Variants in ZMYM4 observed in about 807,000 individuals in gnomAD.
The protein encoded by ZMYM4 is zinc finger MYM-type containing 4, also known as zinc finger MYM-type protein 4.
ZMYM4 carries 31 observed loss-of-function variants against 183.2 expected under a neutral mutation model. That is an observed-to-expected ratio of 0.17 (90% CI 0.13 to 0.23). The LOEUF is 0.23. ZMYM4 is among the 10% of genes least tolerant of loss of function. ZMYM4 has a pLI of 1.00. For missense variants in ZMYM4, 1,273 were observed against 1,840.3 expected (o/e 0.69, Z 5.64); for synonymous variants, 592 against 631.2 (o/e 0.94, Z 0.93).
At chr1:35,411,926 A>G (rs1244457881) in intron 26 of ZMYM4, among the ~76,000 whole-genome samples, 1 of 152,178 alleles carries the variant, frequency 6.6e-6, no homozygotes, top group Non-Finnish European at 1.5e-5. Context: ...TCTGTCGCCC[A>G]GGCTGGAGTG....
rs1266421409 is a variant in ZMYM4, at chr1:35,358,942, A to G, written c.103A>G (p.Thr35Ala). The change falls in exon 3 of 30, where the codon ACA becomes GCA. Residue 35 changes from threonine to alanine, a missense_variant. Around this residue, in one of 6 missense-constraint regions of ZMYM4, gnomAD observed 384 missense variants for 465.6 expected, o/e 0.82. Coordinates refer to ENST00000314607, the MANE Select transcript of ZMYM4 (RefSeq NM_005095.3). Reference sequence around the variant, plus strand: ...TTTTTAAGGTGGTGGTATCATGGATACAGAAATGTCTGAAGATATAGACCA... The same window carrying G: ...TTTTTAAGGTGGTGGTATCATGGATGCAGAAATGTCTGAAGATATAGACCA... The part of the protein sequence containing the change: ...IVENCGGIMD[T>A]EMSEDIDHNL... 1.9e-6 allele frequency: 3 copies of G among 1,612,366 alleles called. No individual in the cohort carries two copies.
At chr1:35,274,578 C>T (rs988359926) in intron 1 of ZMYM4, among the ~76,000 whole-genome samples, 1 of 147,970 alleles carries the variant, frequency 6.8e-6, no homozygotes, top group African/African-American at 2.5e-5. Flanking sequence ...TGCACTTTAG[C>T]CTGGGTGACA....
At chr1:35,296,604 G>A (rs1641024004) in intron 1 of ZMYM4, among the ~76,000 whole-genome samples, 1 of 152,038 alleles carries the variant, frequency 6.6e-6, no homozygotes, top group African/African-American at 2.4e-5. Context: ...TAGTGATGAC[G>A]GGGTTAGCTG....
At chr1:35,364,158 G>A (rs1459253332) in intron 5 of ZMYM4, among the ~76,000 whole-genome samples, 2 of 152,176 alleles carry the variant, frequency 1.3e-5, no homozygotes, top group East Asian at 3.8e-4. Flanking sequence ...ATATGAATAT[G>A]AAGTTTCATC....
chr1:35,363,819 A>G (rs1285022630), intron 5 of ZMYM4, among the ~76,000 whole-genome samples: 1 of 152,236 alleles, frequency 6.6e-6, no homozygotes, highest in African/African-American at 2.4e-5. Context: ...ATGTGGCAGT[A>G]TATGCTTCAG....
intron 1 of ZMYM4, among the ~76,000 whole-genome samples, chr1:35,312,930 G>C (rs1464335717): frequency 6.6e-6 from 1 of 152,180 alleles, no homozygotes; most frequent in African/African-American, 2.4e-5. Context: ...GTCTCGCTCT[G>C]TCACCCGGAT....
chr1:35,379,398 C>A (rs1644402411), intron 7 of ZMYM4, among the ~76,000 whole-genome samples: 1 of 152,202 alleles, frequency 6.6e-6, no homozygotes, highest in South Asian at 2.1e-4. Context: ...TGCTCCCTGC[C>A]TAAGTTTTGC....
chr1:35,383,555 GA>G (rs986579214), intron 9 of ZMYM4, among the ~76,000 whole-genome samples: 52 of 148,096 alleles, frequency 3.5e-4, no homozygotes, highest in African/African-American at 1.1e-3. Context: ...TGTTCTCAAA[GA>G]AAAAAAAAAT....
chr1:35,418,510 A>G lies in ZMYM4; in HGVS notation c.4377A>G (p.Ala1459=). The change falls in exon 29 of 30, where the codon GCA becomes GCG. Residue 1459 remains alanine (A), a synonymous_variant. Transcript: ENST00000314607. ...DDEVPVGVEM[A]ENTDNPLRCP... ...AGGTTCCAGTGGGGGTGGAGATGGC[A>G]GAGAATACTGACAATCCACTAAGAT... 1 of 1,614,186 alleles carries G rather than the reference A, an allele frequency of 6.2e-7. No individual in the cohort carries two copies. Among genetic ancestry groups the G allele is most frequent in the Non-Finnish European group, 8.5e-7 (1 of 1,179,996 alleles).
intron 5 of ZMYM4, 98 bp downstream of exon 5, chr1:35,361,887 C>A: frequency 6.9e-7 from 1 of 1,457,348 alleles, no homozygotes; most frequent in South Asian, 1.4e-5. Flanking sequence ...AGTTTGTTGA[C>A]AGGGTGAAAG....
chr1:35,272,001 A>T (rs1294794961), intron 1 of ZMYM4, among the ~76,000 whole-genome samples: 1 of 152,194 alleles, frequency 6.6e-6, no homozygotes, highest in Non-Finnish European at 1.5e-5. Context: ...ATATTTTTTG[A>T]TCCATAATTC....
chr1:35,284,242 C>T (rs915925456), intron 1 of ZMYM4, among the ~76,000 whole-genome samples: 1 of 152,124 alleles, frequency 6.6e-6, no homozygotes, highest in African/African-American at 2.4e-5. Context: ...TCCCAAAGTG[C>T]TGGGATTACA....
chr1:35,390,820 T>A (rs1416232252), intron 15 of ZMYM4, among the ~76,000 whole-genome samples: 1 of 152,216 alleles, frequency 6.6e-6, no homozygotes, highest in East Asian at 1.9e-4. Flanking sequence ...AAAAATCCTT[T>A]GAGACTACTT....
intron 1 of ZMYM4, among the ~76,000 whole-genome samples, chr1:35,324,325 C>T (rs1053481644): frequency 1.3e-5 from 2 of 152,020 alleles, no homozygotes; most frequent in African/African-American, 4.8e-5. Context: ...TCTTGATCTC[C>T]TGACCTTGTG....
At chr1:35,411,812 C>A (rs562953365) in intron 26 of ZMYM4, among the ~76,000 whole-genome samples, 2 of 152,102 alleles carry the variant, frequency 1.3e-5, no homozygotes, top group Admixed American at 6.5e-5. Flanking sequence ...GTAAGTCTTA[C>A]AACATTTTGG....
chr1:35,272,243 T>A (rs1639646114), intron 1 of ZMYM4, among the ~76,000 whole-genome samples: 1 of 152,224 alleles, frequency 6.6e-6, no homozygotes, highest in Non-Finnish European at 1.5e-5. Context: ...CTATTCAATC[T>A]GAAATTGCAT....
At chr1:35,408,722 G>A (rs981098850) in intron 26 of ZMYM4, among the ~76,000 whole-genome samples, 2 of 152,106 alleles carry the variant, frequency 1.3e-5, no homozygotes, top group Non-Finnish European at 2.9e-5. Flanking sequence ...GTGAGAACCT[G>A]TCTGAGGAAA....
intron 9 of ZMYM4, among the ~76,000 whole-genome samples, chr1:35,382,423 A>G (rs1570486656): frequency 1.3e-5 from 2 of 151,056 alleles, no homozygotes; most frequent in East Asian, 3.9e-4. Context: ...ATACACGTTT[A>G]TGCATTTGAA....
In ZMYM4 at chr1:35,299,695, A is replaced by T. The variant is rs1479158971; in HGVS notation, c.40-25665A>T. On this transcript the variant is annotated intron_variant, in intron 1 of 29. Transcript: ENST00000314607. ...AGTTGCCTGGTAAGTTGCAGAAAGC[A>T]ACCAATCAAAGGCTAAAGTGAAGTT... Among the ~76,000 whole-genome samples the T allele has an allele frequency of 1.1e-3, 160 of 152,366 alleles. 3 individuals are homozygous for T. The South Asian group carries it at 0.032, about 31-fold the overall frequency.
Sources: allele counts gnomAD v4.1 joint callset (sites outside exome capture counted in the v4.1 genomes callset), GRCh38; gene constraint gnomAD v4.1.1; regional missense constraint gnomAD v4.1.1; transcripts MANE v1.5; gene names NCBI Gene and HGNC (gene_info 2026-07-23, HGNC 2026-07-21).